MGLL: variants seen among roughly 807,000 people sequenced by gnomAD.
MGLL encodes monoglyceride lipase, also known as lysophospholipase homolog.
In MGLL, 7 loss-of-function variants were observed where a neutral mutation model predicts 29.1. The observed-to-expected ratio is 0.24, with a 90% CI of 0.14 to 0.45. The LOEUF is 0.45. Ranked by LOEUF, MGLL falls within the 20% of genes least tolerant of loss-of-function variation. The pLI is 0.99. For synonymous variants in MGLL, 148 were observed against 168.3 expected (o/e 0.88, Z 0.93); for missense variants, 356 against 413.6 (o/e 0.86, Z 1.21).
intron 2 of MGLL, among the ~76,000 whole-genome samples, chr3:127,790,717 A>G (rs1052023662): frequency 2.6e-5 from 4 of 151,920 alleles, no homozygotes; most frequent in Non-Finnish European, 5.9e-5. Context: ...CTGACTCCCT[A>G]TTTTCCCGTT....
rs2077132420 is a variant in MGLL, at chr3:127,781,888, T to C, written c.163A>G (p.Ile55Val). Reference protein sequence around the residue: ...WKPTGTPKALIFVSHGAGEHS... With the variant: ...WKPTGTPKALVFVSHGAGEHS... ...TCTCCGGCTCCATGGGACACAAAGA[T>C]GAGGGCCCTGCAGAGACAAGAAGGG... Residue 55 changes from isoleucine (I) to valine (V), a missense_variant, in exon 3 of 8, where the codon ATC (isoleucine) becomes GTC (valine). By Grantham distance (29) the Ile-to-Val change is conservative. Transcript: ENST00000265052. 1 of 1,613,830 alleles carries C rather than the reference T, an allele frequency of 6.2e-7. No homozygotes were observed. Among genetic ancestry groups the C allele is most frequent in the Non-Finnish European group, 8.5e-7 (1 of 1,179,952 alleles).
rs1288638117 is a variant in MGLL, at chr3:127,804,078, T to TA, written c.155+17615dup. Among the ~76,000 whole-genome samples, 7 of 152,358 alleles carry TA rather than the reference T, an allele frequency of 4.6e-5. 1 individual carries two copies. Among genetic ancestry groups the TA allele is most frequent in the South Asian group, 4.1e-4 (2 of 4,832 alleles). ...TTAAAGTAAAAAAGAAAGTTGATTT[T>TA]AAAAAAACTATGAAGAAATAATATG... On this transcript the variant is annotated intron_variant, in intron 2 of 7. Coordinates refer to ENST00000265052, the MANE Select transcript of MGLL (RefSeq NM_007283.7).
At chr3:127,755,948 A>T (rs762618767) in intron 3 of MGLL, among the ~76,000 whole-genome samples, 2 of 152,082 alleles carry the variant, frequency 1.3e-5, no homozygotes, top group African/African-American at 2.4e-5. Flanking sequence ...TGGGCAGAGC[A>T]CTCTACCTCC....
At chr3:127,735,597 T>TA in intron 3 of MGLL, 2 of 1,210,262 alleles carry the variant, frequency 1.7e-6, no homozygotes, top group Non-Finnish European at 2.3e-6. Flanking sequence ...ACACATAAAA[T>TA]AAAAAAGCAA....
At chr3:127,793,584 G>A (rs552529825) in intron 2 of MGLL, among the ~76,000 whole-genome samples, 7 of 151,988 alleles carry the variant, frequency 4.6e-5, no homozygotes, top group African/African-American at 7.2e-5. Flanking sequence ...TTTTTGAGAC[G>A]AAGTCTTGCT....
At chr3:127,768,261 GAACT>G (rs575137068) in intron 3 of MGLL, among the ~76,000 whole-genome samples, 39 of 152,240 alleles carry the variant, frequency 2.6e-4, no homozygotes, top group African/African-American at 8.2e-4. Context: ...AATTCTTTCA[GAACT>G]AACTAAGAAG....
chr3:127,747,226 C>T (rs940958563), intron 3 of MGLL, among the ~76,000 whole-genome samples: 6 of 152,140 alleles, frequency 3.9e-5, no homozygotes, highest in Non-Finnish European at 8.8e-5. Context: ...TCCCAGGCCT[C>T]CAGGCAGCAA....
intron 3 of MGLL, among the ~76,000 whole-genome samples, chr3:127,762,431 G>A (rs991028577): frequency 3.9e-5 from 6 of 152,150 alleles, no homozygotes; most frequent in South Asian, 2.1e-4. Context: ...GTGTCAAAGC[G>A]AAGCCAGCCC....
intron 3 of MGLL, among the ~76,000 whole-genome samples, chr3:127,747,286 C>T (rs548186467): frequency 4.8e-4 from 73 of 152,280 alleles, no homozygotes; most frequent in Admixed American, 9.8e-4. Context: ...TGCACACACA[C>T]CTGCTCCATC....
intron 5 of MGLL, among the ~76,000 whole-genome samples, chr3:127,717,271 A>G (rs949217633): frequency 1.3e-5 from 2 of 152,082 alleles, no homozygotes; most frequent in South Asian, 2.1e-4. Flanking sequence ...TCTGGATTCT[A>G]TGGCTAAAAA....
chr3:127,800,233 A>G (rs529547716), intron 2 of MGLL, among the ~76,000 whole-genome samples: 43 of 152,280 alleles, frequency 2.8e-4, no homozygotes, highest in African/African-American at 1.0e-3. Context: ...GAGCCCAGTG[A>G]CCCTACCAAC....
intron 2 of MGLL, among the ~76,000 whole-genome samples, chr3:127,803,533 A>T (rs888335882): frequency 1.3e-5 from 2 of 152,156 alleles, no homozygotes; most frequent in Non-Finnish European, 2.9e-5. Context: ...GGAACAGTAC[A>T]CTCATTTATG....
At chr3:127,821,551 T>C (rs982543150) in intron 2 of MGLL, 143 bp downstream of exon 2, 1 of 839,664 alleles carries the variant, frequency 1.2e-6, no homozygotes, top group South Asian at 1.5e-5. Flanking sequence ...TTTGTTAACA[T>C]TGCTCAGCCT....
intron 3 of MGLL, among the ~76,000 whole-genome samples, chr3:127,764,865 G>C (rs1051427725): frequency 6.6e-6 from 1 of 152,132 alleles, no homozygotes; most frequent in Non-Finnish European, 1.5e-5. Flanking sequence ...ACATAGAGGA[G>C]CTCATTTGGT....
chr3:127,692,348 C>G, intron 7 of MGLL, 25 bp from the exon 8 acceptor site: 1 of 1,613,796 alleles, frequency 6.2e-7, no homozygotes, highest in Non-Finnish European at 8.5e-7. Context: ...GACACGGAAT[C>G]AGAGCTGCAC....
chr3:127,727,141 C>A (rs948970976), intron 3 of MGLL, among the ~76,000 whole-genome samples: 1 of 152,144 alleles, frequency 6.6e-6, no homozygotes, highest in Non-Finnish European at 1.5e-5. Flanking sequence ...CATTCATTAC[C>A]AAGAACTTCC....
chr3:127,699,800 C>T (rs1368940744), intron 6 of MGLL, among the ~76,000 whole-genome samples: 1 of 152,334 alleles, frequency 6.6e-6, no homozygotes, highest in East Asian at 1.9e-4. Flanking sequence ...AGCAGATGGG[C>T]CTGACAGATG....
intron 6 of MGLL, among the ~76,000 whole-genome samples, chr3:127,696,051 G>C (rs759205192): frequency 9.2e-5 from 14 of 152,220 alleles, no homozygotes; most frequent in Non-Finnish European, 1.6e-4. Context: ...GACGCCCAAG[G>C]GTGGGTCTGG....
intron 7 of MGLL, among the ~76,000 whole-genome samples, chr3:127,692,708 C>T (rs1180984025): frequency 1.3e-5 from 2 of 152,218 alleles, no homozygotes; most frequent in Admixed American, 1.3e-4. Flanking sequence ...CCACTCCCGC[C>T]AACCCACGGT....
Sources: allele counts gnomAD v4.1 joint callset (sites outside exome capture counted in the v4.1 genomes callset), GRCh38; gene constraint gnomAD v4.1.1; transcripts MANE v1.5; gene names NCBI Gene and HGNC (gene_info 2026-07-23, HGNC 2026-07-21).